Variants in PITPNC1 observed in about 807,000 individuals in gnomAD.
PITPNC1 encodes the protein cytoplasmic phosphatidylinositol transfer protein 1.
Under a neutral mutation model 44.7 loss-of-function variants are expected in PITPNC1, and 18 were observed. The ratio of observed to expected loss-of-function variants is 0.40; its 90% CI spans 0.28 to 0.60. PITPNC1 has a LOEUF of 0.60. Among genes scored for constraint, PITPNC1 ranks in the 20% least tolerant of loss-of-function variants. PITPNC1 has a pLI of 0.39. For synonymous variants in PITPNC1, 141 were observed against 149.6 expected (o/e 0.94, Z 0.42); for missense variants, 290 against 418.4 (o/e 0.69, Z 2.68).
At chr17:67,675,583 T>A in intron 8 of PITPNC1, 41 bp downstream of exon 8, 3 of 1,355,202 alleles carry the variant, frequency 2.2e-6, no homozygotes, top group Non-Finnish European at 3.2e-6. Flanking sequence ...AACAACTTCA[T>A]GTTGTCTCGG....
chr17:67,430,551 A>G (rs959852424), intron 1 of PITPNC1, among the ~76,000 whole-genome samples: 4 of 152,074 alleles, frequency 2.6e-5, no homozygotes, highest in African/African-American at 4.8e-5. Context: ...CTATAATCCC[A>G]GTGCTCTAGG....
At chr17:67,502,964 T>C (rs1260420906) in intron 1 of PITPNC1, among the ~76,000 whole-genome samples, 1 of 152,034 alleles carries the variant, frequency 6.6e-6, no homozygotes, top group Non-Finnish European at 1.5e-5. Flanking sequence ...GCCCAGCTAA[T>C]TTTTGTATTT....
intron 1 of PITPNC1, among the ~76,000 whole-genome samples, chr17:67,518,361 C>T (rs1010120414): frequency 1.3e-5 from 2 of 152,126 alleles, no homozygotes; most frequent in Non-Finnish European, 2.9e-5. Flanking sequence ...TGTTTGCAAA[C>T]AGAATATTTC....
intron 1 of PITPNC1, among the ~76,000 whole-genome samples, chr17:67,474,841 AGGGG>A (rs2144014726): frequency 6.7e-6 from 1 of 149,392 alleles, no homozygotes; most frequent in East Asian, 2.0e-4. Context: ...TTTCTTGAAG[AGGGG>A]GACTCACTGT....
At chr17:67,658,148 A>C (rs1307750091) in intron 6 of PITPNC1, among the ~76,000 whole-genome samples, 2 of 152,220 alleles carry the variant, frequency 1.3e-5, no homozygotes, top group African/African-American at 4.8e-5. Flanking sequence ...TGACAGTGAC[A>C]GGAGGGCAGC....
chr17:67,387,018 C>T (rs2143791118), intron 1 of PITPNC1, among the ~76,000 whole-genome samples: 1 of 152,228 alleles, frequency 6.6e-6, no homozygotes, highest in South Asian at 2.1e-4. Flanking sequence ...AACGGACAAA[C>T]CAATCGTATC....
intron 1 of PITPNC1, among the ~76,000 whole-genome samples, chr17:67,387,888 C>T (rs1567971153): frequency 6.6e-6 from 1 of 152,092 alleles, no homozygotes; most frequent in African/African-American, 2.4e-5. Context: ...CACACTAAGT[C>T]TTTGAAATCA....
chr17:67,539,762 C>T (rs111645998), intron 2 of PITPNC1, among the ~76,000 whole-genome samples: 22 of 151,950 alleles, frequency 1.4e-4, no homozygotes, highest in Non-Finnish European at 2.8e-4. Flanking sequence ...GGCGTGAACC[C>T]GGGAGGTGGA....
Position 67,692,901 on chromosome 17 carries a change from A to C in PITPNC1, c.*13A>C. On this transcript the variant is annotated 3_prime_UTR_variant, in exon 9 of 9. Coordinates refer to ENST00000581322, the MANE Select transcript of PITPNC1 (RefSeq NM_012417.4). ...CAAATCTGAGTAACTTTATATAAAT[A>C]TCTCATGGGGTTTTATATTTTCATT... is the stretch of plus-strand genomic sequence containing the variant. The C allele has an allele frequency of 6.9e-7, 1 of 1,442,262 alleles. No homozygotes were observed. Among genetic ancestry groups the C allele is most frequent in the Non-Finnish European group, 9.6e-7 (1 of 1,038,956 alleles). 89.3% of individuals were successfully genotyped at this position (1,442,262 alleles called of 1,614,324 possible). A position where few individuals can be genotyped will look rare whatever the true frequency, so the allele number is the denominator to read the frequency against.
chr17:67,533,191 T>G (rs1369418433), intron 2 of PITPNC1, among the ~76,000 whole-genome samples: 1 of 152,070 alleles, frequency 6.6e-6, no homozygotes, highest in East Asian at 1.9e-4. Context: ...GGCCAGGAGT[T>G]TGAGGCTACA....
At chr17:67,575,870 C>CCTTT (rs1568047895) in intron 4 of PITPNC1, among the ~76,000 whole-genome samples, 1 of 53,468 alleles carries the variant, frequency 1.9e-5, no homozygotes, top group African/African-American at 9.1e-5. Flanking sequence ...TTCCTTCTTT[C>CCTTT]TTTCTTTCCT....
intron 4 of PITPNC1, among the ~76,000 whole-genome samples, chr17:67,577,890 C>G (rs938758489): frequency 2.6e-5 from 4 of 152,240 alleles, no homozygotes; most frequent in Middle Eastern, 6.8e-3. Flanking sequence ...GTTTGCTTTT[C>G]TAAAGCTTAT....
chr17:67,533,293 G>A (rs1302688978), intron 2 of PITPNC1, among the ~76,000 whole-genome samples: 3 of 152,180 alleles, frequency 2.0e-5, no homozygotes, highest in East Asian at 1.9e-4. Flanking sequence ...TAAAATAAAC[G>A]AAATGAATCT....
At chr17:67,625,337 C>G (rs1426962578) in intron 5 of PITPNC1, among the ~76,000 whole-genome samples, 1 of 152,084 alleles carries the variant, frequency 6.6e-6, no homozygotes, top group Non-Finnish European at 1.5e-5. Flanking sequence ...TCAGGTGCCC[C>G]CCTGTAAAGC....
chr17:67,442,414 G>A lies in PITPNC1; in HGVS notation c.48+64212G>A, dbSNP rs563789833. The stretch of plus-strand genomic sequence containing the variant: ...AGTGGATGAGGTGGTGGGAGATGAC[G>A]AGGGTGGGATGGGCATTCTGCAGCC... On this transcript the variant is annotated intron_variant, in intron 1 of 8. Coordinates refer to ENST00000581322, the MANE Select transcript of PITPNC1 (RefSeq NM_012417.4). Among the ~76,000 whole-genome samples, 190 of 151,134 alleles carry A rather than the reference G, an allele frequency of 1.3e-3. 1 individual carries two copies. Among genetic ancestry groups the A allele is most frequent in the Middle Eastern group, 6.8e-3 (2 of 292 alleles).
At chr17:67,545,481 C>T (rs928573685) in intron 2 of PITPNC1, among the ~76,000 whole-genome samples, 6 of 152,154 alleles carry the variant, frequency 3.9e-5, no homozygotes, top group African/African-American at 1.4e-4. Flanking sequence ...GAGGCTGAGG[C>T]ATGAGAATTG....
chr17:67,408,141 A>G lies in PITPNC1; in HGVS notation c.48+29939A>G, dbSNP rs1190207679. Among the ~76,000 whole-genome samples the G allele has an allele frequency of 2.0e-5, 3 of 152,022 alleles. No homozygotes were observed. In the East Asian group the frequency reaches 5.9e-4, roughly 30 times the overall value. On this transcript the variant is annotated intron_variant, in intron 1 of 8. Transcript: ENST00000581322. The stretch of plus-strand genomic sequence containing the variant: ...AGCTAATTTTTTGTATTTTTAGTAG[A>G]CACAGTTTTACCATGTTGCCCAGGC...
At chr17:67,410,741 A>G (rs73338112) in intron 1 of PITPNC1, among the ~76,000 whole-genome samples, 10,207 of 152,014 alleles carry the variant, frequency 0.067, 403 homozygotes, top group East Asian at 0.15. Flanking sequence ...TTAAAGCAAC[A>G]TCACACCAGC....
chr17:67,638,414 G>A (rs1243296177), intron 6 of PITPNC1: 1 of 152,258 alleles, frequency 6.6e-6, no homozygotes, highest in African/African-American at 2.4e-5. Flanking sequence ...CCTGAGGTCT[G>A]GCTTCCATCA....
Sources: allele counts gnomAD v4.1 joint callset (sites outside exome capture counted in the v4.1 genomes callset), GRCh38; gene constraint gnomAD v4.1.1; transcripts MANE v1.5; gene names NCBI Gene and HGNC (gene_info 2026-07-23, HGNC 2026-07-21).